The following PRH1 variants were observed in gnomAD, a reference collection of about 807,000 sequenced individuals.
The protein encoded by PRH1 is salivary acidic proline-rich phosphoprotein 1/2.
Under a neutral mutation model 7.9 loss-of-function variants are expected in PRH1, and 7 were observed. The ratio of observed to expected loss-of-function variants is 0.89; its 90% CI spans 0.50 to 1.67. PRH1 has a LOEUF of 1.67. PRH1 is among the 40% of genes most tolerant of loss of function. The probability of loss-of-function intolerance (pLI) is 0.00; values close to 1 mark genes in which losing one functional copy is unlikely to be tolerated. For missense variants in PRH1, 109 were observed against 223.6 expected (o/e 0.49, Z 3.27); for synonymous variants, 45 against 80.8 (o/e 0.56, Z 2.38).
At chr12:10,986,053 T>C (rs1383358371) in intron 1 of PRH1, 2 of 1,613,938 alleles carry the variant, frequency 1.2e-6, no homozygotes, top group Non-Finnish European at 1.7e-6. Flanking sequence ...GCAAGATATA[T>C]GTTTCCAACA....
intron 2 of PRH1, among the ~76,000 whole-genome samples, chr12:10,893,792 TTA>T (rs1275599924): frequency 6.6e-6 from 1 of 152,220 alleles, no homozygotes; most frequent in African/African-American, 2.4e-5. Context: ...GAAAATTATA[TTA>T]TTTGCTTGCA....
intron 1 of PRH1, among the ~76,000 whole-genome samples, chr12:11,060,966 C>T (rs1943573114): frequency 6.6e-6 from 1 of 152,236 alleles, no homozygotes; most frequent in South Asian, 2.1e-4. Context: ...TAGAAAACAG[C>T]AATGTCTTTC....
intron 1 of PRH1, among the ~76,000 whole-genome samples, chr12:11,080,923 A>C (rs375356468): frequency 0.14 from 10,025 of 73,170 alleles, 1,251 homozygotes; most frequent in Middle Eastern, 0.19. Flanking sequence ...CTCTATCTTC[A>C]ACCTCTAGCT....
At chr12:10,885,334 C>A (rs1042333225), upstream of PRH1, among the ~76,000 whole-genome samples, 2 of 152,248 alleles carry the variant, frequency 1.3e-5, no homozygotes, top group East Asian at 3.9e-4. Context: ...TTTTCTCGCA[C>A]TTATTTGTTG....
intron 1 of PRH1, among the ~76,000 whole-genome samples, chr12:11,053,576 T>C (rs1360061626): frequency 1.3e-5 from 2 of 152,268 alleles, no homozygotes; most frequent in African/African-American, 2.4e-5. Context: ...TGTTTACTAA[T>C]GTAACTTTCC....
chr12:10,904,796 C>T (rs1949778966), intron 2 of PRH1, among the ~76,000 whole-genome samples: 1 of 151,852 alleles, frequency 6.6e-6, no homozygotes, highest in Admixed American at 6.6e-5. Context: ...GTCTAATATC[C>T]CAAATCTATA....
chr12:11,068,640 T>C (rs1323527938), intron 1 of PRH1, among the ~76,000 whole-genome samples: 2 of 152,202 alleles, frequency 1.3e-5, no homozygotes, highest in East Asian at 3.8e-4. Flanking sequence ...GTGAGATTAG[T>C]AACTAAGATA....
intron 2 of PRH1, among the ~76,000 whole-genome samples, chr12:10,926,160 G>A (rs1325689092): frequency 6.6e-6 from 1 of 152,154 alleles, no homozygotes; most frequent in South Asian, 2.1e-4. Context: ...TCAAAGCAAA[G>A]TTGAAGTCTC....
intron 2 of PRH1, chr12:10,908,559 CAT>C: frequency 6.2e-7 from 1 of 1,613,864 alleles, no homozygotes; most frequent in Non-Finnish European, 8.5e-7. Flanking sequence ...TATGAGAACA[CAT>C]AGAAAGAAAC....
chr12:10,894,717 T>C (rs1949619957), intron 2 of PRH1, among the ~76,000 whole-genome samples: 1 of 152,168 alleles, frequency 6.6e-6, no homozygotes, highest in East Asian at 1.9e-4. Flanking sequence ...AAATGCATTT[T>C]CAATATATTA....
rs548099158 is a variant in PRH1 at position 11,039,075 on chromosome 12, A to C, written c.-126+7945T>G. 3.9e-5 allele frequency among the ~76,000 whole-genome samples: 6 copies of C among 152,374 alleles called. No homozygotes were observed. In the South Asian group the frequency reaches 1.2e-3, roughly 32 times the overall value. ...TGTTGAACAACTCTTAAAAGGACTC[A>C]AAGAAAAAAATATTGAAATATAAAA... On this transcript the variant is annotated intron_variant, in intron 1 of 3. Transcript: ENST00000539853.
chr12:10,999,453 A>T (rs1940473487), intron 1 of PRH1, among the ~76,000 whole-genome samples: 1 of 152,182 alleles, frequency 6.6e-6, no homozygotes, highest in African/African-American at 2.4e-5. Context: ...TTTTCCCCCT[A>T]GGTATATAAT....
At chr12:10,936,900 T>C (rs897804576) in intron 2 of PRH1, among the ~76,000 whole-genome samples, 1 of 152,106 alleles carries the variant, frequency 6.6e-6, no homozygotes, top group Non-Finnish European at 1.5e-5. Context: ...CTGAAGCAGA[T>C]TGGTTATTAG....
At chr12:11,127,651 T>C (rs1474209317) in intron 1 of PRH1, among the ~76,000 whole-genome samples, 1 of 47,102 alleles carries the variant, frequency 2.1e-5, no homozygotes, top group Admixed American at 2.8e-4. Flanking sequence ...CCTCATGGTT[T>C]GGAAAAATTA....
chr12:10,926,075 A>T (rs1359461746), intron 2 of PRH1, among the ~76,000 whole-genome samples: 1 of 152,224 alleles, frequency 6.6e-6, no homozygotes. Context: ...TATAATATAT[A>T]TTAATAGGTC....
chr12:11,031,260 A>C, intron 1 of PRH1: 1 of 1,614,106 alleles, frequency 6.2e-7, no homozygotes, highest in Non-Finnish European at 8.5e-7. Flanking sequence ...AATGCTATGA[A>C]GCCATTAGCA....
chr12:11,149,664 T>C (rs558250839), intron 1 of PRH1, among the ~76,000 whole-genome samples: 2 of 141,748 alleles, frequency 1.4e-5, no homozygotes, highest in South Asian at 2.3e-4. Flanking sequence ...ATACAAAAAT[T>C]AATTCAAGAT....
chr12:10,936,755 T>C (rs774320599), intron 2 of PRH1, among the ~76,000 whole-genome samples: 5 of 152,164 alleles, frequency 3.3e-5, no homozygotes, highest in Non-Finnish European at 5.9e-5. Flanking sequence ...CCTATTGTAC[T>C]ACGGCCTCAC....
intron 1 of PRH1, among the ~76,000 whole-genome samples, chr12:11,143,157 G>A (rs916752519): frequency 6.6e-6 from 1 of 152,054 alleles, no homozygotes; most frequent in African/African-American, 2.4e-5. Flanking sequence ...GATATAGACA[G>A]CACAATGATA....
Sources: gnomAD v4.1 joint callset for allele counts (sites outside exome capture counted in the v4.1 genomes callset) on GRCh38, gnomAD v4.1.1 for gene constraint, MANE v1.5 for transcripts, NCBI Gene and HGNC (gene_info 2026-07-23, HGNC 2026-07-21) for gene names.